The following DRC11 variants were observed in gnomAD, a reference collection of about 807,000 sequenced individuals.
DRC11 encodes IQ and AAA domain-containing protein 1.
chr2:236,488,053 T>C, the DRC11 span: 2 of 1,606,356 alleles, frequency 1.2e-6, no homozygotes, highest in East Asian at 2.2e-5. Flanking sequence ...TTGCCAAGCA[T>C]CTTGGATTGC....
chr2:236,459,151 A>T, the DRC11 span, among the ~76,000 whole-genome samples: 1 of 152,152 alleles, frequency 6.6e-6, no homozygotes. Flanking sequence ...AGATCACTTA[A>T]AGAAAAGAAA....
At chr2:236,318,271 G>C in the DRC11 span, among the ~76,000 whole-genome samples, 1 of 152,202 alleles carries the variant, frequency 6.6e-6, no homozygotes, top group Non-Finnish European at 1.5e-5. The surrounding 1 kb of genome is among the most constrained non-coding windows in gnomAD (Gnocchi z 7.0). Context: ...ACACATCCCA[G>C]CACCTGCCAG....
At chr2:236,353,463 G>A in the DRC11 span, among the ~76,000 whole-genome samples, 1 of 152,086 alleles carries the variant, frequency 6.6e-6, no homozygotes, top group Non-Finnish European at 1.5e-5. This position sits in a 1 kb window ranked among gnomAD's most constrained non-coding sequence, Gnocchi z 5.0. Context: ...AGGGGATAAT[G>A]GCTCAATTAA....
the DRC11 span, among the ~76,000 whole-genome samples, chr2:236,479,888 C>T: frequency 5.3e-5 from 8 of 152,278 alleles, no homozygotes; most frequent in East Asian, 1.5e-3. The surrounding 1 kb of genome is among the most constrained non-coding windows in gnomAD (Gnocchi z 4.1). Context: ...GACTGAAGAA[C>T]TCCCTTTAGC....
At chr2:236,437,387 T>A in the DRC11 span, among the ~76,000 whole-genome samples, 2 of 150,256 alleles carry the variant, frequency 1.3e-5, no homozygotes, top group Non-Finnish European at 2.9e-5. Context: ...TTGTGAATAA[T>A]GCCACAATAA....
At chr2:236,496,811 C>T in the DRC11 span, among the ~76,000 whole-genome samples, 1 of 152,116 alleles carries the variant, frequency 6.6e-6, no homozygotes, top group Admixed American at 6.5e-5. This position sits in a 1 kb window ranked among gnomAD's most constrained non-coding sequence, Gnocchi z 6.3. Flanking sequence ...AACAGAGGAG[C>T]GGGCGCTGCT....
chr2:236,499,547 G>A, the DRC11 span, among the ~76,000 whole-genome samples: 2 of 152,196 alleles, frequency 1.3e-5, no homozygotes, highest in Non-Finnish European at 2.9e-5. The surrounding 1 kb of genome is among the most constrained non-coding windows in gnomAD (Gnocchi z 4.7). Context: ...TCCTGCCTCA[G>A]CCTCCTGGGT....
At chr2:236,368,103 C>A in the DRC11 span, 1 of 810,806 alleles carries the variant, frequency 1.2e-6, no homozygotes, top group Non-Finnish European at 2.1e-6. Flanking sequence ...GAGCACTGTA[C>A]TTTTGATGAC....
At chr2:236,467,327 T>C in the DRC11 span, among the ~76,000 whole-genome samples, 1 of 152,218 alleles carries the variant, frequency 6.6e-6, no homozygotes, top group Non-Finnish European at 1.5e-5. Context: ...TGAGCTTTTA[T>C]ATTTTCCATT....
At chr2:236,331,046 C>T in the DRC11 span, among the ~76,000 whole-genome samples, 1 of 152,138 alleles carries the variant, frequency 6.6e-6, no homozygotes, top group East Asian at 1.9e-4. This position sits in a 1 kb window ranked among gnomAD's most constrained non-coding sequence, Gnocchi z 4.8. Flanking sequence ...AAACTTATTC[C>T]ATAATACCAA....
chr2:236,358,340 T>A, the DRC11 span, among the ~76,000 whole-genome samples: 2 of 134,274 alleles, frequency 1.5e-5, no homozygotes, highest in South Asian at 4.3e-4. Context: ...ATATGATATA[T>A]AGATATATAC....
the DRC11 span, among the ~76,000 whole-genome samples, chr2:236,500,990 G>A: frequency 5.6e-4 from 86 of 152,296 alleles, no homozygotes; most frequent in African/African-American, 1.2e-3. This position sits in a 1 kb window ranked among gnomAD's most constrained non-coding sequence, Gnocchi z 6.3. Context: ...GAGCCACCAC[G>A]CCCAGCAAGA....
At chr2:236,356,247 C>T in the DRC11 span, among the ~76,000 whole-genome samples, 17 of 152,186 alleles carry the variant, frequency 1.1e-4, no homozygotes, top group Admixed American at 3.3e-4. Flanking sequence ...CAGCCTCCTT[C>T]CCTGCGCCCT....
the DRC11 span, among the ~76,000 whole-genome samples, chr2:236,449,150 A>G: frequency 6.6e-6 from 1 of 152,114 alleles, no homozygotes; most frequent in Non-Finnish European, 1.5e-5. The surrounding 1 kb of genome is among the most constrained non-coding windows in gnomAD (Gnocchi z 5.1). Context: ...ATGAGCCACT[A>G]CACCCACTGG....
At chr2:236,504,947 T>G in the DRC11 span, among the ~76,000 whole-genome samples, 2 of 152,248 alleles carry the variant, frequency 1.3e-5, no homozygotes, top group African/African-American at 4.8e-5. The surrounding 1 kb of genome is among the most constrained non-coding windows in gnomAD (Gnocchi z 5.0). Context: ...CTTTCCTTTA[T>G]AAATCACCCA....
chr2:236,493,843 C>T, the DRC11 span: 2 of 1,607,058 alleles, frequency 1.2e-6, no homozygotes, highest in South Asian at 2.2e-5. Context: ...TTACTTCCAA[C>T]TTCTCCTTCA....
the DRC11 span, among the ~76,000 whole-genome samples, chr2:236,333,772 C>T: frequency 0.19 from 28,810 of 152,138 alleles, 2,960 homozygotes; most frequent in African/African-American, 0.23. The surrounding 1 kb of genome is among the most constrained non-coding windows in gnomAD (Gnocchi z 6.0). Context: ...AATCATCCAA[C>T]CTTCTTGCAG....
At chr2:236,399,789 T>A in the DRC11 span, among the ~76,000 whole-genome samples, 1 of 152,132 alleles carries the variant, frequency 6.6e-6, no homozygotes, top group South Asian at 2.1e-4. This position sits in a 1 kb window ranked among gnomAD's most constrained non-coding sequence, Gnocchi z 7.0. Context: ...CTTTCTTTCT[T>A]TCTTTCTTTT....
the DRC11 span, among the ~76,000 whole-genome samples, chr2:236,460,448 G>A: frequency 2.6e-5 from 4 of 152,134 alleles, no homozygotes; most frequent in East Asian, 1.9e-4. This position sits in a 1 kb window ranked among gnomAD's most constrained non-coding sequence, Gnocchi z 4.0. Context: ...GGCCAGCCCC[G>A]TCTCCTTGCC....
Sources: allele counts gnomAD v4.1 joint callset (sites outside exome capture counted in the v4.1 genomes callset), GRCh38; gene constraint gnomAD v4.1.1; non-coding constraint Gnocchi (gnomAD v3.1); transcripts MANE v1.5; gene names NCBI Gene and HGNC (gene_info 2026-07-23, HGNC 2026-07-21).